SH3RF1: variants seen among roughly 807,000 people sequenced by gnomAD.
SH3RF1 encodes the protein E3 ubiquitin-protein ligase SH3RF1.
In SH3RF1, 32 loss-of-function variants were observed where a neutral mutation model predicts 74.0. The ratio of observed to expected loss-of-function variants is 0.43; its 90% confidence interval spans 0.33 to 0.58. The LOEUF (loss-of-function observed/expected upper bound fraction) is 0.58. Ranked by LOEUF, SH3RF1 falls within the 20% of genes least tolerant of loss-of-function variation. The probability of loss-of-function intolerance (pLI) is 0.05; values close to 1 mark genes in which losing one functional copy is unlikely to be tolerated. For synonymous variants in SH3RF1, 396 were observed against 439.6 expected, an observed-to-expected ratio of 0.90 and a Z score of 1.24; for missense variants, 954 against 1,130.9, an observed-to-expected ratio of 0.84 and a Z score of 2.24.
intron 2 of SH3RF1, among the ~76,000 whole-genome samples, chr4:169,255,616 C>CACATAT (rs1200880922): frequency 5.3e-5 from 7 of 131,620 alleles, no homozygotes; most frequent in African/African-American, 2.0e-4. Flanking sequence ...CACATACATA[C>CACATAT]ACACATACAC....
At chr4:169,177,355 T>C (rs1005524102) in intron 2 of SH3RF1, among the ~76,000 whole-genome samples, 3 of 152,214 alleles carry the variant, frequency 2.0e-5, no homozygotes, top group Non-Finnish European at 4.4e-5. Flanking sequence ...AGAATCTTTA[T>C]AATCACCCAC....
intron 2 of SH3RF1, among the ~76,000 whole-genome samples, chr4:169,255,897 TGCTGAGAGA>T (rs1731185849): frequency 6.6e-6 from 1 of 151,984 alleles, no homozygotes; most frequent in Non-Finnish European, 1.5e-5. Flanking sequence ...CTTCTGAAGT[TGCTGAGAGA>T]GCAGGCACGA....
chr4:169,240,547 A>G (rs1171949983), intron 2 of SH3RF1, among the ~76,000 whole-genome samples: 3 of 152,200 alleles, frequency 2.0e-5, no homozygotes, highest in Non-Finnish European at 4.4e-5. Context: ...TGTTCAATTT[A>G]AAGATACCAA....
intron 2 of SH3RF1, among the ~76,000 whole-genome samples, chr4:169,266,970 T>C (rs539238146): frequency 2.6e-5 from 4 of 152,316 alleles, no homozygotes; most frequent in East Asian, 1.9e-4. Context: ...TCAAGTTTAG[T>C]TGAGTTTCTT....
At chr4:169,246,080 A>C (rs1290420034) in intron 2 of SH3RF1, among the ~76,000 whole-genome samples, 1 of 152,220 alleles carries the variant, frequency 6.6e-6, no homozygotes, top group African/African-American at 2.4e-5. Flanking sequence ...AGAAGCCCAG[A>C]TGATACTTTC....
intron 4 of SH3RF1, among the ~76,000 whole-genome samples, chr4:169,142,699 A>G (rs764091895): frequency 3.3e-5 from 5 of 152,216 alleles, no homozygotes; most frequent in Non-Finnish European, 5.9e-5. Flanking sequence ...ACTAAGTCCA[A>G]TGTTCCTTCC....
chr4:169,108,049 C>T (rs558040036), intron 10 of SH3RF1, among the ~76,000 whole-genome samples: 10 of 152,150 alleles, frequency 6.6e-5, no homozygotes, highest in Non-Finnish European at 1.5e-4. Context: ...CTTTGGTCTG[C>T]TAGGAAAATC....
At chr4:169,233,297 G>A (rs866659270) in intron 2 of SH3RF1, among the ~76,000 whole-genome samples, 8 of 149,698 alleles carry the variant, frequency 5.3e-5, no homozygotes, top group African/African-American at 9.8e-5. Flanking sequence ...AGAACAGTTG[G>A]TAAATGGGAT....
At chr4:169,157,608 G>A (rs760820381) in intron 2 of SH3RF1, among the ~76,000 whole-genome samples, 22 of 152,292 alleles carry the variant, frequency 1.4e-4, no homozygotes, top group Non-Finnish European at 1.6e-4. Context: ...GTTGCATATC[G>A]TTGATTCAGG....
At chr4:169,166,882 A>C in intron 2 of SH3RF1, 1 of 282,846 alleles carries the variant, frequency 3.5e-6, no homozygotes. Flanking sequence ...CTGCAATGTA[A>C]AAATCTCAAA....
intron 1 of SH3RF1, among the ~76,000 whole-genome samples, chr4:169,270,189 A>G (rs563849796): frequency 6.6e-6 from 1 of 152,334 alleles, no homozygotes; most frequent in Non-Finnish European, 1.5e-5. Context: ...GAGCATTAAC[A>G]GCTGTTCTTG....
At chr4:169,134,341 A>G (rs181965423) in intron 5 of SH3RF1, among the ~76,000 whole-genome samples, 1 of 152,340 alleles carries the variant, frequency 6.6e-6, no homozygotes, top group East Asian at 1.9e-4. Flanking sequence ...TGGTGTGGTA[A>G]CGTCAGGCAT....
intron 2 of SH3RF1, among the ~76,000 whole-genome samples, chr4:169,221,361 T>C (rs1730561392): frequency 6.6e-6 from 1 of 152,190 alleles, no homozygotes; most frequent in African/African-American, 2.4e-5. Context: ...ATCAACCAGC[T>C]GAGTCCTCTT....
chr4:169,264,647 G>C (rs1000861193), intron 2 of SH3RF1, among the ~76,000 whole-genome samples: 2 of 152,140 alleles, frequency 1.3e-5, no homozygotes, highest in African/African-American at 4.8e-5. Context: ...CTCCAATCCC[G>C]TATCTGTTCT....
chr4:169,116,746 T>C (rs1733341146), intron 9 of SH3RF1, 116 bp from the exon 10 acceptor site: 1 of 1,325,136 alleles, frequency 7.5e-7, no homozygotes, highest in Non-Finnish European at 1.0e-6. Context: ...ATTGTATTTA[T>C]TACAATAAAG....
rs1286232534 is a variant in SH3RF1, at chr4:169,268,977, C to T, written c.236G>A (p.Arg79Lys). 6.2e-6 allele frequency: 10 copies of T among 1,614,184 alleles called. No homozygotes were observed. Among genetic ancestry groups the T allele is most frequent in the Non-Finnish European group, 8.5e-6 (10 of 1,180,042 alleles). ...LVRLLDGIKQ[R>K]PWKPGPGGGS... Reference sequence around the variant, plus strand: ...CCCACCAGGACCAGGTTTCCAAGGCCTCTGTTTGATGCCATCCAGAAGTCT... The same window carrying T: ...CCCACCAGGACCAGGTTTCCAAGGCTTCTGTTTGATGCCATCCAGAAGTCT... Residue 79 changes from arginine to lysine, a missense_variant, in exon 2 of 12, where the codon AGG becomes AAG. Coordinates refer to ENST00000284637, the MANE Select transcript of SH3RF1 (RefSeq NM_020870.4).
At chr4:169,134,751 G>A (rs1733668698) in intron 5 of SH3RF1, among the ~76,000 whole-genome samples, 1 of 152,108 alleles carries the variant, frequency 6.6e-6, no homozygotes, top group Non-Finnish European at 1.5e-5. Flanking sequence ...AAAATGACAT[G>A]GTTCCCCTCT....
chr4:169,122,418 G>C, intron 6 of SH3RF1, 152 bp from the exon 7 acceptor site: 2 of 864,964 alleles, frequency 2.3e-6, no homozygotes, highest in Non-Finnish European at 1.7e-6. Flanking sequence ...CAGGCTAACT[G>C]ATATGAAAGC....
chr4:169,111,090 T>C (rs1420964429), intron 10 of SH3RF1, among the ~76,000 whole-genome samples: 1 of 151,802 alleles, frequency 6.6e-6, no homozygotes, highest in Admixed American at 6.6e-5. Flanking sequence ...GGGGGATCAC[T>C]TGAGGCCAGG....
Sources: allele counts gnomAD v4.1 joint callset (sites outside exome capture counted in the v4.1 genomes callset), GRCh38; gene constraint gnomAD v4.1.1; transcripts MANE v1.5; gene names NCBI Gene and HGNC (gene_info 2026-07-23, HGNC 2026-07-21).